Variants in RSF1 observed in about 807,000 individuals in gnomAD.
RSF1 encodes the protein HBV pX-associated protein 8.
Under a neutral mutation model 145.2 loss-of-function variants are expected in RSF1, and 13 were observed. That is an observed-to-expected ratio of 0.09 (90% confidence interval 0.06 to 0.14). RSF1 has a LOEUF of 0.14. Among genes scored for constraint, RSF1 ranks in the 10% least tolerant of loss-of-function variants. The probability of loss-of-function intolerance (pLI) is 1.00; values close to 1 mark genes in which losing one functional copy is unlikely to be tolerated. For synonymous variants in RSF1, 577 were observed against 592.6 expected (o/e 0.97, Z 0.38); for missense variants, 1,517 against 1,718.2 (o/e 0.88, Z 2.07).
chr11:77,766,154 G>GTT (rs61416358), intron 1 of RSF1, among the ~76,000 whole-genome samples: 1 of 151,664 alleles, frequency 6.6e-6, no homozygotes, highest in Admixed American at 6.6e-5. Context: ...AAAAAAAGTT[G>GTT]TTTTTTTATC....
chr11:77,692,233 ATTTTTTTTTTTTTTTTTTTTTT>A (rs71046904), intron 8 of RSF1, among the ~76,000 whole-genome samples: 149 of 49,422 alleles, frequency 3.0e-3, no homozygotes, highest in African/African-American at 0.011. Flanking sequence ...CTACTTTTAA[ATTTTTTTTTTTTTTTTTTTTTT>A]TTTTTTTGAG....
At chr11:77,677,724 TTTAAA>T (rs1242467754) in intron 12 of RSF1, among the ~76,000 whole-genome samples, 1 of 152,198 alleles carries the variant, frequency 6.6e-6, no homozygotes, top group Non-Finnish European at 1.5e-5. Flanking sequence ...AAATTTTTGG[TTTAAA>T]TTATTTTGGT....
chr11:77,867,268 A>G, the RSF1 span, among the ~76,000 whole-genome samples: 1 of 151,980 alleles, frequency 6.6e-6, no homozygotes, highest in East Asian at 1.9e-4. Context: ...CTCTTTTCCT[A>G]TACCATCTCT....
At chr11:77,736,863 A>G (rs1052531497) in intron 4 of RSF1, among the ~76,000 whole-genome samples, 10 of 152,212 alleles carry the variant, frequency 6.6e-5, no homozygotes, top group African/African-American at 2.4e-4. Flanking sequence ...TACATCACCA[A>G]TTGTTTAGCA....
At chr11:77,692,101 G>C (rs1419062085) in intron 8 of RSF1, among the ~76,000 whole-genome samples, 7 of 152,024 alleles carry the variant, frequency 4.6e-5, no homozygotes, top group Non-Finnish European at 1.0e-4. Context: ...ATGTTGGTCA[G>C]ACTGGTCTTG....
chr11:77,758,891 G>A (rs976327576), intron 2 of RSF1, among the ~76,000 whole-genome samples: 1 of 152,156 alleles, frequency 6.6e-6, no homozygotes, highest in Admixed American at 6.5e-5. Context: ...CTTCCATTCT[G>A]TAGGCTGTCT....
the RSF1 span, among the ~76,000 whole-genome samples, chr11:77,838,159 G>C: frequency 6.6e-6 from 1 of 152,172 alleles, no homozygotes; most frequent in Admixed American, 6.5e-5. Context: ...ATCGTCTTTA[G>C]TTGGAGATTA....
At chr11:77,668,632 T>A (rs1959436431) in intron 15 of RSF1, among the ~76,000 whole-genome samples, 1 of 152,226 alleles carries the variant, frequency 6.6e-6, no homozygotes, top group Non-Finnish European at 1.5e-5. Flanking sequence ...TACATAGACT[T>A]TTTTCTTGTC....
intron 11 of RSF1, among the ~76,000 whole-genome samples, chr11:77,678,883 A>T (rs1304175047): frequency 2.0e-5 from 3 of 152,298 alleles, no homozygotes; most frequent in African/African-American, 7.2e-5. Flanking sequence ...CAGTATCTTG[A>T]CCTTGGACCT....
At chr11:77,735,166 G>A (rs1387010574) in intron 4 of RSF1, 6 of 699,598 alleles carry the variant, frequency 8.6e-6, no homozygotes, top group African/African-American at 3.5e-5. Flanking sequence ...GGTGGGGGAC[G>A]AGCACCGGGT....
chr11:77,821,205 C>G (rs540222090), upstream of RSF1: 5 of 304,790 alleles, frequency 1.6e-5, no homozygotes, highest in East Asian at 1.1e-4. Flanking sequence ...AGCACTGCGC[C>G]GTTTGGGAAC....
intron 5 of RSF1, among the ~76,000 whole-genome samples, chr11:77,717,174 CAAAAACCA>C (rs1423841991): frequency 1.5e-5 from 1 of 68,168 alleles, no homozygotes; most frequent in African/African-American, 8.6e-5. Context: ...AAACAAAAAC[CAAAAACCA>C]AAAAAAAAAA....
chr11:77,803,725 C>A (rs1023038199), intron 1 of RSF1, among the ~76,000 whole-genome samples: 3 of 152,078 alleles, frequency 2.0e-5, no homozygotes, highest in Admixed American at 2.0e-4. Flanking sequence ...TTGCAGTGAG[C>A]CAAGAGCACG....
Position 77,820,676 on chromosome 11 carries a change from A to C in RSF1, c.39T>G (p.Pro13=). 1 of 1,555,188 alleles carries C rather than the reference A, an allele frequency of 6.4e-7. No individual in the cohort carries two copies. The highest frequency in any genetic ancestry group is 1.2e-5 in the South Asian group (1 of 84,382). ...TGGGGCACGAACCCGGGCAGCCCGG[A>C]GGAGCCATCACCGCCGCCGCTGCCG... ...TAAAAAAVMA[P]PGCPGSCPNF... Residue 13 remains proline, a synonymous_variant, in exon 1 of 16, where the codon CCT becomes CCG. Coordinates refer to ENST00000308488, the MANE Select transcript of RSF1 (RefSeq NM_016578.4).
At chr11:77,845,470 A>G in the RSF1 span, among the ~76,000 whole-genome samples, 22 of 151,586 alleles carry the variant, frequency 1.5e-4, no homozygotes, top group East Asian at 3.7e-3. Flanking sequence ...TTGCTCTGTC[A>G]CCACAGCTGG....
At chr11:77,686,366 C>T (rs1225642548) in intron 9 of RSF1, among the ~76,000 whole-genome samples, 1 of 134,538 alleles carries the variant, frequency 7.4e-6, no homozygotes, top group Non-Finnish European at 1.5e-5. Context: ...TTTGATCATG[C>T]CACTGCACTC....
intron 7 of RSF1, among the ~76,000 whole-genome samples, chr11:77,697,729 G>C (rs1265085215): frequency 6.6e-6 from 1 of 151,218 alleles, no homozygotes; most frequent in African/African-American, 2.4e-5. Context: ...TCGGTATATA[G>C]CAGGTGTATA....
chr11:77,825,005 G>C (rs958932292), upstream of RSF1, among the ~76,000 whole-genome samples: 2 of 152,064 alleles, frequency 1.3e-5, no homozygotes, highest in Admixed American at 6.6e-5. Flanking sequence ...TTTTGAGACA[G>C]AGTCTCACTC....
At position 77,725,791 on chromosome 11, in the gene RSF1, A is replaced by T; in HGVS notation, c.579-92T>A. 4.0e-6 allele frequency: 4 copies of T among 990,978 alleles called. No individual in the cohort carries two copies. In the Middle Eastern group the frequency reaches 9.4e-4, roughly 234 times the overall value. 61.4% of individuals were successfully genotyped at this position (990,978 alleles called of 1,614,324 possible). ...TACCAATAGAAATTAAAATAAAAAAAGAAAAATACATTAAGAACATCAAAA... is the reference window on the plus strand; with the variant it reads ...TACCAATAGAAATTAAAATAAAAAATGAAAAATACATTAAGAACATCAAAA... On this transcript the variant is annotated intron_variant, in intron 4 of 15. Coordinates refer to ENST00000308488, the MANE Select transcript of RSF1 (RefSeq NM_016578.4).
Sources: allele counts gnomAD v4.1 joint callset (sites outside exome capture counted in the v4.1 genomes callset), GRCh38; gene constraint gnomAD v4.1.1; transcripts MANE v1.5; gene names NCBI Gene and HGNC (gene_info 2026-07-23, HGNC 2026-07-21).